Variants in DOC2B observed in about 807,000 individuals in gnomAD.
DOC2B encodes the protein double C2-like domain-containing protein beta.
DOC2B carries 21 observed loss-of-function variants against 28.9 expected under a neutral mutation model. The observed-to-expected ratio is 0.73, with a 90% confidence interval of 0.52 to 1.05. The LOEUF (loss-of-function observed/expected upper bound fraction) is 1.05. Among genes scored for constraint, DOC2B ranks in the 50% least tolerant of loss-of-function variants. DOC2B has a pLI of 0.00. For missense variants in DOC2B, 384 were observed against 421.1 expected (o/e 0.91, Z 0.77); for synonymous variants, 194 against 178.1 (o/e 1.09, Z -0.71).
intron 2 of DOC2B, among the ~76,000 whole-genome samples, chr17:172,302 C>A (rs2040321757): frequency 6.6e-6 from 1 of 152,164 alleles, no homozygotes; most frequent in Non-Finnish European, 1.5e-5. Flanking sequence ...CTTCATCTTC[C>A]CATTCTCATC....
Position 174,884 on chromosome 17 carries a change from C to T in DOC2B, c.374-2268G>A, listed in dbSNP as rs140776846. ...CTGTCATCCCAGCAGTTTGGGAGGC[C>T]GAAGCAGATGGATCACTTGAGCTCA... On this transcript the variant is annotated intron_variant, in intron 1 of 8. Coordinates refer to ENST00000613549, the MANE Select transcript of DOC2B (RefSeq NM_003585.5). Among the ~76,000 whole-genome samples the T allele has an allele frequency of 6.4e-4, 97 of 152,160 alleles. No individual in the cohort carries two copies. The East Asian group carries it at 0.01, about 16-fold the overall frequency.
At chr17:159,627 AAATAAT>A (rs1392639169) in intron 5 of DOC2B, among the ~76,000 whole-genome samples, 2 of 152,130 alleles carry the variant, frequency 1.3e-5, no homozygotes, top group African/African-American at 2.4e-5. Flanking sequence ...CAGTCTCAAA[AAATAAT>A]AATAATAAAA....
At chr17:151,811 G>A (rs989213483) in intron 6 of DOC2B, among the ~76,000 whole-genome samples, 13 of 151,468 alleles carry the variant, frequency 8.6e-5, no homozygotes, top group African/African-American at 3.2e-4. Flanking sequence ...TGCCCATCTG[G>A]TGACCCCTCA....
chr17:170,653 G>T (rs2040301641), intron 2 of DOC2B, among the ~76,000 whole-genome samples: 1 of 152,196 alleles, frequency 6.6e-6, no homozygotes, highest in Non-Finnish European at 1.5e-5. Context: ...CATCAATTTT[G>T]GCACCTTCCT....
chr17:154,004 A>G (rs1320246212), intron 6 of DOC2B, among the ~76,000 whole-genome samples: 1 of 152,078 alleles, frequency 6.6e-6, no homozygotes, highest in Non-Finnish European at 1.5e-5. Context: ...GGGTTGACCT[A>G]TTCTGGACAC....
chr17:163,913 C>A (rs774768487), intron 3 of DOC2B, among the ~76,000 whole-genome samples: 1 of 152,206 alleles, frequency 6.6e-6, no homozygotes, highest in African/African-American at 2.4e-5. Context: ...CGTGAGGTCC[C>A]CAGGAGGCAA....
At position 143,789 on chromosome 17, in the gene DOC2B, A is replaced by G. The variant is rs2039999671; in HGVS notation, c.*3652T>C. On this transcript the variant is annotated 3_prime_UTR_variant, in exon 9 of 9. Transcript: ENST00000613549. ...GACACCTTCGGGTAGGTCAGACCAA[A>G]ATACAAAACTTGTCTGTGGGACTGC... 6.6e-6 allele frequency: 1 copy of G among 152,266 alleles called. No individual in the cohort carries two copies. Among genetic ancestry groups the G allele is most frequent in the Non-Finnish European group, 1.5e-5 (1 of 68,052 alleles). The allele number at this position is 152,266 out of a possible 1,614,324, so 9.4% of individuals were successfully genotyped here. A position where few individuals can be genotyped will look rare whatever the true frequency, so the allele number is the denominator to read the frequency against.
At position 156,231 on chromosome 17, in the gene DOC2B, G is replaced by C. The variant is rs1298097456; in HGVS notation, c.912C>G (p.Pro304=). Residue 304 remains proline, a synonymous_variant, in exon 6 of 9, where the codon CCC becomes CCG. Transcript: ENST00000613549. ...AAMDANGYSD[P]YVKTYLRPDV... ...CACGGCACACTCACGTTTTCACGTA[G>C]GGGTCCGAGTAGCCGTTGGCGTCCA... 3.9e-6 allele frequency: 6 copies of C among 1,549,692 alleles called. No homozygotes were observed. Among genetic ancestry groups the C allele is most frequent in the Non-Finnish European group, 5.2e-6 (6 of 1,146,194 alleles).
rs2040009987 is a variant in DOC2B at position 145,168 on chromosome 17, G to A, written c.*2273C>T. ...TGGGGAAGCCTGAAGTAGCACGGATGGTTTCAAAGCCAGCGGATGAGGTGG... is the reference window on the plus strand; with the variant it reads ...TGGGGAAGCCTGAAGTAGCACGGATAGTTTCAAAGCCAGCGGATGAGGTGG... On this transcript the variant is annotated 3_prime_UTR_variant, in exon 9 of 9. Coordinates refer to ENST00000613549, the MANE Select transcript of DOC2B (RefSeq NM_003585.5). 6.6e-6 allele frequency: 1 copy of A among 152,170 alleles called. No homozygotes were observed. The highest frequency in any genetic ancestry group is 1.5e-5 in the Non-Finnish European group (1 of 68,066). The allele number at this position is 152,170 out of a possible 1,614,324, so 9.4% of individuals were successfully genotyped here. A position where few individuals can be genotyped will look rare whatever the true frequency, so the allele number is the denominator to read the frequency against.
In DOC2B at chr17:144,083, C is replaced by T. The variant is rs1396837103; in HGVS notation, c.*3358G>A. The T allele has an allele frequency of 4.9e-5, 3 of 61,050 alleles. No individual in the cohort carries two copies. Among genetic ancestry groups the T allele is most frequent in the African/African-American group, 7.5e-5 (1 of 13,254 alleles). The allele number at this position is 61,050 out of a possible 1,614,324, so 3.8% of individuals were successfully genotyped here. On this transcript the variant is annotated 3_prime_UTR_variant, in exon 9 of 9. Coordinates refer to ENST00000613549, the MANE Select transcript of DOC2B (RefSeq NM_003585.5). ...GGATTGGCGCAGGCGGCGGGCGGGG[C>T]GGCGGGCGGGGCGGCGGGCGGGGCG... is the stretch of plus-strand genomic sequence containing the variant.
Position 181,360 on chromosome 17 carries a change from GA to G in DOC2B, c.119del (p.Phe40SerfsTer114). 8.9e-7 allele frequency: 1 copy of G among 1,129,788 alleles called. No homozygotes were observed. Among genetic ancestry groups the G allele is most frequent in the South Asian group, 3.6e-5 (1 of 27,722 alleles). The allele number at this position is 1,129,788 out of a possible 1,614,324, so 70.0% of individuals were successfully genotyped here. A position where few individuals can be genotyped will look rare whatever the true frequency, so the allele number is the denominator to read the frequency against. The stretch of plus-strand genomic sequence containing the variant: ...CGGCGTCCGGGGGCAGGCCCCGCGG[GA>G]AGCGGGGGAAGTAGTCGGAGATCTG... ...IKQISDYFPR[F>X]PRGLPPDAGP... is the part of the protein sequence containing the mutation. On this transcript the variant is annotated frameshift_variant, in exon 1 of 9. Coordinates refer to ENST00000613549, the MANE Select transcript of DOC2B (RefSeq NM_003585.5). LOFTEE classifies it high-confidence loss of function. This position sits in a 1 kb window ranked among gnomAD's most constrained non-coding sequence, Gnocchi z 7.0.
rs1287503092 is a variant in DOC2B at position 180,995 on chromosome 17, G to A, written c.373+112C>T. On this transcript the variant is annotated intron_variant, in intron 1 of 8. Coordinates refer to ENST00000613549, the MANE Select transcript of DOC2B (RefSeq NM_003585.5). The stretch of plus-strand genomic sequence containing the variant: ...CAAGCCCGCGGCGGGGTTGTGAACC[G>A]AGGCAGAGCGCGAGCGCGCGAGGGG... 9 of 939,994 alleles carry A rather than the reference G, an allele frequency of 9.6e-6. 1 individual carries two copies. The highest frequency in any genetic ancestry group is 1.2e-5 in the Non-Finnish European group (9 of 727,990). 58.2% of individuals were successfully genotyped at this position (939,994 alleles called of 1,614,324 possible). A position where few individuals can be genotyped will look rare whatever the true frequency, so the allele number is the denominator to read the frequency against.
At chr17:172,697 C>T in intron 1 of DOC2B, 81 bp from the exon 2 acceptor site, 1 of 1,209,590 alleles carries the variant, frequency 8.3e-7, no homozygotes, top group South Asian at 1.6e-5. Flanking sequence ...CCAGATGAGC[C>T]TGGCCTGGGC....
intron 5 of DOC2B, among the ~76,000 whole-genome samples, chr17:160,907 T>G (rs540547466): frequency 6.6e-6 from 1 of 152,234 alleles, no homozygotes; most frequent in South Asian, 2.1e-4. Flanking sequence ...CCAAGCGTGC[T>G]CCTTGCGCGT....
At chr17:179,329 G>C (rs1217752388) in intron 1 of DOC2B, among the ~76,000 whole-genome samples, 4 of 151,736 alleles carry the variant, frequency 2.6e-5, no homozygotes, top group Admixed American at 6.6e-5. Flanking sequence ...TGATGGATTG[G>C]AGATGGGGCT....
intron 2 of DOC2B, among the ~76,000 whole-genome samples, chr17:170,686 G>T (rs995532806): frequency 6.6e-6 from 1 of 152,174 alleles, no homozygotes; most frequent in African/African-American, 2.4e-5. Context: ...AATGGGGTGA[G>T]GGGAAGGGAA....
Position 181,196 on chromosome 17 carries a change from C to G in DOC2B, c.284G>C (p.Gly95Ala), listed in dbSNP as rs2040438616. The G allele has an allele frequency of 8.1e-7, 1 of 1,237,162 alleles. No homozygotes were observed. The highest frequency in any genetic ancestry group is 1.6e-5 in the African/African-American group (1 of 63,836). The allele number at this position is 1,237,162 out of a possible 1,614,324, so 76.6% of individuals were successfully genotyped here. A position where few individuals can be genotyped will look rare whatever the true frequency, so the allele number is the denominator to read the frequency against. ...CGCGGGGCTGGGACCCGGGCTGGGG[C>G]CCGGGCTGGAGCCGTAGGCTCCGAA... Reference protein sequence around the residue: ...QLFGAYGSSPGPSPGPSPARP... With the variant: ...QLFGAYGSSPAPSPGPSPARP... Residue 95 changes from glycine (G) to alanine (A), a missense_variant, in exon 1 of 9, where the codon GGC becomes GCC. Transcript: ENST00000613549. The surrounding 1 kb of genome is among the most constrained non-coding windows in gnomAD (Gnocchi z 7.0).
chr17:159,344 A>T (rs964246618), intron 5 of DOC2B, among the ~76,000 whole-genome samples: 4 of 151,754 alleles, frequency 2.6e-5, no homozygotes, highest in African/African-American at 9.7e-5. Flanking sequence ...TACCAAAATT[A>T]GCCAGGCGTG....
At chr17:157,188 C>T (rs964095570) in intron 5 of DOC2B, among the ~76,000 whole-genome samples, 2 of 152,228 alleles carry the variant, frequency 1.3e-5, no homozygotes, top group African/African-American at 2.4e-5. Context: ...ACAGCCCGCC[C>T]GGACTTTCCC....
Sources: gnomAD v4.1 joint callset for allele counts (sites outside exome capture counted in the v4.1 genomes callset) on GRCh38, gnomAD v4.1.1 for gene constraint, Gnocchi (gnomAD v3.1) non-coding constraint, MANE v1.5 for transcripts, NCBI Gene and HGNC (gene_info 2026-07-23, HGNC 2026-07-21) for gene names.